The following ST18 variants were observed in gnomAD, a reference collection of about 807,000 sequenced individuals.
ST18 encodes suppression of tumorigenicity 18 protein.
Under a neutral mutation model 110.0 loss-of-function variants are expected in ST18, and 50 were observed. The ratio of observed to expected loss-of-function variants is 0.45; its 90% confidence interval spans 0.36 to 0.58. The LOEUF is 0.58. Ranked by LOEUF, ST18 falls within the 20% of genes least tolerant of loss-of-function variation. ST18 has a pLI of 0.00. For missense variants in ST18, 1,306 were observed against 1,280.1 expected (o/e 1.02, Z -0.31); for synonymous variants, 461 against 452.4 (o/e 1.02, Z -0.24).
intron 2 of ST18, among the ~76,000 whole-genome samples, chr8:52,292,689 G>T (rs2095574444): frequency 6.6e-6 from 1 of 152,196 alleles, no homozygotes; most frequent in South Asian, 2.1e-4. Context: ...TCCTATGTGT[G>T]TCTATTGAGT....
chr8:52,203,347 C>G lies in ST18; in HGVS notation c.86+8732G>C, dbSNP rs1055988725. Among the ~76,000 whole-genome samples the G allele has an allele frequency of 7.9e-5, 12 of 152,264 alleles. 1 individual carries two copies. The East Asian group carries it at 2.3e-3, about 30-fold the overall frequency. ...ACAGGGCTGCTATTAACCCAGTGTT[C>G]TTTCCACCACACAAACTCTTGGCTT... On this transcript the variant is annotated intron_variant, in intron 8 of 25. Transcript: ENST00000689386.
chr8:52,293,051 C>T (rs1374358150), intron 2 of ST18, among the ~76,000 whole-genome samples: 2 of 152,134 alleles, frequency 1.3e-5, no homozygotes, highest in Non-Finnish European at 2.9e-5. Context: ...TCTCTCTGGA[C>T]CTTGAATTCT....
intron 23 of ST18, among the ~76,000 whole-genome samples, chr8:52,125,517 G>A (rs1378806284): frequency 2.6e-5 from 4 of 151,978 alleles, no homozygotes; most frequent in Non-Finnish European, 2.9e-5. Flanking sequence ...AGGGCCTCTC[G>A]CAGTTGTCCA....
intron 2 of ST18, among the ~76,000 whole-genome samples, chr8:52,295,176 G>A (rs1434819026): frequency 1.3e-5 from 2 of 152,056 alleles, no homozygotes; most frequent in Non-Finnish European, 2.9e-5. Context: ...TTTCACATTT[G>A]TATGCTAATC....
chr8:52,256,133 A>G (rs1340627456), intron 2 of ST18, among the ~76,000 whole-genome samples: 2 of 152,236 alleles, frequency 1.3e-5, no homozygotes, highest in Non-Finnish European at 2.9e-5. Flanking sequence ...GTGCAACACT[A>G]CATGCTTTAC....
At chr8:52,312,128 C>G (rs915811225) in intron 2 of ST18, among the ~76,000 whole-genome samples, 1 of 152,166 alleles carries the variant, frequency 6.6e-6, no homozygotes, top group Non-Finnish European at 1.5e-5. Context: ...ATAACTTACA[C>G]AAATCAGACA....
At chr8:52,236,249 T>A (rs2092654077) in intron 2 of ST18, among the ~76,000 whole-genome samples, 1 of 152,192 alleles carries the variant, frequency 6.6e-6, no homozygotes, top group South Asian at 2.1e-4. Context: ...CTAAGGAAGT[T>A]CACATTATTA....
chr8:52,365,463 A>C (rs1827488995), intron 2 of ST18, among the ~76,000 whole-genome samples: 1 of 152,196 alleles, frequency 6.6e-6, no homozygotes, highest in South Asian at 2.1e-4. Context: ...TATTTTAAGC[A>C]GAAGTAAATG....
chr8:52,336,398 A>G (rs1327137767), intron 2 of ST18, among the ~76,000 whole-genome samples: 1 of 152,082 alleles, frequency 6.6e-6, no homozygotes, highest in Admixed American at 6.5e-5. Context: ...TGATCTGCCC[A>G]CCTTGGCCTC....
intron 8 of ST18, among the ~76,000 whole-genome samples, chr8:52,195,600 AAAG>A (rs2075950515): frequency 6.6e-6 from 1 of 152,194 alleles, no homozygotes; most frequent in Admixed American, 6.5e-5. Flanking sequence ...AAAAACTTTT[AAAG>A]AAGATTATTG....
intron 2 of ST18, among the ~76,000 whole-genome samples, chr8:52,386,570 T>C (rs1836862372): frequency 1.3e-5 from 2 of 152,214 alleles, no homozygotes; most frequent in African/African-American, 4.8e-5. Context: ...GTTAGTTTTA[T>C]AAAGCAATGT....
intron 2 of ST18, among the ~76,000 whole-genome samples, chr8:52,270,238 T>A (rs2095029853): frequency 1.3e-5 from 2 of 152,212 alleles, no homozygotes; most frequent in Non-Finnish European, 2.9e-5. Context: ...GCATAAGAGT[T>A]AAATCGTCTA....
intron 23 of ST18, among the ~76,000 whole-genome samples, chr8:52,120,452 C>CT (rs1260126672): frequency 6.6e-6 from 1 of 152,128 alleles, no homozygotes; most frequent in Non-Finnish European, 1.5e-5. Flanking sequence ...ACAAAGGGTT[C>CT]TGGGAGGCCC....
chr8:52,265,293 A>G (rs2094831377), intron 2 of ST18, among the ~76,000 whole-genome samples: 1 of 152,232 alleles, frequency 6.6e-6, no homozygotes, highest in Admixed American at 6.5e-5. Flanking sequence ...ATGAGGTCAG[A>G]GACCTGGCAA....
At chr8:52,259,689 T>C (rs565067248) in intron 2 of ST18, among the ~76,000 whole-genome samples, 6 of 152,262 alleles carry the variant, frequency 3.9e-5, no homozygotes, top group African/African-American at 1.4e-4. Flanking sequence ...CATGGGTTAA[T>C]TAGGAAGCAG....
chr8:52,355,291 C>T (rs117927004), intron 2 of ST18, among the ~76,000 whole-genome samples: 1,539 of 152,314 alleles, frequency 0.01, 13 homozygotes, highest in Non-Finnish European at 0.016. Flanking sequence ...GGTAACTGGG[C>T]TCATGGAATG....
At chr8:52,113,569 T>G (rs957140879) in intron 25 of ST18, among the ~76,000 whole-genome samples, 3 of 152,166 alleles carry the variant, frequency 2.0e-5, no homozygotes, top group African/African-American at 7.2e-5. Context: ...TGGGGTTGAT[T>G]TGGAGCACAT....
intron 2 of ST18, among the ~76,000 whole-genome samples, chr8:52,399,667 C>G (rs1842280421): frequency 6.6e-6 from 1 of 151,806 alleles, no homozygotes; most frequent in South Asian, 2.1e-4. Context: ...TTTTAAATTT[C>G]CTTTTGACTT....
intron 8 of ST18, chr8:52,209,995 C>T (rs911379500): frequency 8.9e-6 from 4 of 451,740 alleles, no homozygotes; most frequent in African/African-American, 8.1e-5. Flanking sequence ...TAAAGATTCT[C>T]TTGAGTAAAA....
Sources: gnomAD v4.1 joint callset for allele counts (sites outside exome capture counted in the v4.1 genomes callset) on GRCh38, gnomAD v4.1.1 for gene constraint, MANE v1.5 for transcripts, NCBI Gene and HGNC (gene_info 2026-07-23, HGNC 2026-07-21) for gene names.